CERS3: variants seen among roughly 807,000 people sequenced by gnomAD.
The protein encoded by CERS3 is ceramide synthase 3.
Under a neutral mutation model 50.3 loss-of-function variants are expected in CERS3, and 33 were observed. That is an observed-to-expected ratio of 0.66 (90% CI 0.50 to 0.88). The LOEUF is 0.88. CERS3 is among the 40% of genes least tolerant of loss of function. CERS3 has a pLI of 0.00. For synonymous variants in CERS3, 176 were observed against 155.2 expected (o/e 1.13, Z -0.99); for missense variants, 470 against 460.3 (o/e 1.02, Z -0.19).
In CERS3 at chr15:100,402,065, C is replaced by A. The variant is rs1419616460; in HGVS notation, c.*648G>T. 1.3e-5 allele frequency: 2 copies of A among 152,232 alleles called. No homozygotes were observed. Among genetic ancestry groups the A allele is most frequent in the Non-Finnish European group, 2.9e-5 (2 of 68,076 alleles). The allele number at this position is 152,232 out of a possible 1,614,324, so 9.4% of individuals were successfully genotyped here. A position where few individuals can be genotyped will look rare whatever the true frequency, so the allele number is the denominator to read the frequency against. On this transcript the variant is annotated 3_prime_UTR_variant, in exon 12 of 12. Transcript: ENST00000679737. ...AGGCCCATTGCAGTGCCATGTTTAGCCAGGTTTCTGTCTCCCAAACAGTGC... is the reference window on the plus strand; with the variant it reads ...AGGCCCATTGCAGTGCCATGTTTAGACAGGTTTCTGTCTCCCAAACAGTGC...
intron 5 of CERS3, 125 bp downstream of exon 5, chr15:100,484,425 C>A: frequency 1.5e-6 from 1 of 666,348 alleles, no homozygotes. Flanking sequence ...TAAAACACCA[C>A]ATCAGTGGGT....
chr15:100,509,271 A>C (rs116717084), intron 2 of CERS3, among the ~76,000 whole-genome samples: 2,435 of 152,350 alleles, frequency 0.016, 62 homozygotes, highest in African/African-American at 0.056. Context: ...CCACAAGTTT[A>C]TCACTATTTG....
At chr15:100,485,604 G>T (rs1056925405) in intron 4 of CERS3, among the ~76,000 whole-genome samples, 3 of 152,180 alleles carry the variant, frequency 2.0e-5, no homozygotes, top group African/African-American at 7.2e-5. Flanking sequence ...GGCTGGGTGT[G>T]GTGGTTCACG....
intron 11 of CERS3, among the ~76,000 whole-genome samples, chr15:100,452,174 A>C (rs2034197188): frequency 6.6e-6 from 1 of 152,218 alleles, no homozygotes; most frequent in Admixed American, 6.5e-5. Context: ...TAGAATACAC[A>C]TTCTTCTCAT....
At position 100,542,434 on chromosome 15, in the gene CERS3, C is replaced by T. The variant is rs550541625; in HGVS notation, c.-355+2217G>A. Among the ~76,000 whole-genome samples the T allele has an allele frequency of 9.9e-5, 15 of 152,264 alleles. No individual in the cohort carries two copies. In the South Asian group the frequency reaches 1.2e-3, roughly 13 times the overall value. ...GCTCATGGCTTCCATAATCGGCAAC[C>T]GCCACAGTGACCGTTCTCACATATT... On this transcript the variant is annotated intron_variant, in intron 1 of 12. Transcript: ENST00000284382.
chr15:100,424,829 G>T (rs985001755), intron 11 of CERS3, among the ~76,000 whole-genome samples: 1 of 152,194 alleles, frequency 6.6e-6, no homozygotes, highest in African/African-American at 2.4e-5. Context: ...CCACTTTCTG[G>T]GGAGGAATTC....
intron 11 of CERS3, among the ~76,000 whole-genome samples, chr15:100,427,519 C>T (rs999325657): frequency 3.3e-5 from 5 of 152,192 alleles, no homozygotes; most frequent in Non-Finnish European, 7.3e-5. Context: ...CATTAATCCT[C>T]TCAGGCCTTG....
At chr15:100,485,235 G>C (rs1304252476) in intron 4 of CERS3, among the ~76,000 whole-genome samples, 1 of 152,162 alleles carries the variant, frequency 6.6e-6, no homozygotes, top group Non-Finnish European at 1.5e-5. Context: ...TAATTATATA[G>C]AGAGCCTATT....
At chr15:100,436,134 AG>A (rs2033392321) in intron 11 of CERS3, among the ~76,000 whole-genome samples, 1 of 152,244 alleles carries the variant, frequency 6.6e-6, no homozygotes, top group Admixed American at 6.5e-5. Flanking sequence ...ATATACCCAA[AG>A]GATTATAAAT....
At chr15:100,417,775 T>C in intron 11 of CERS3, among the ~76,000 whole-genome samples, 1 of 151,826 alleles carries the variant, frequency 6.6e-6, no homozygotes, top group Admixed American at 6.5e-5. Flanking sequence ...CCCTGACCCC[T>C]GACCCCTGGG....
intron 11 of CERS3, among the ~76,000 whole-genome samples, chr15:100,408,997 T>G (rs997317561): frequency 3.3e-5 from 5 of 152,150 alleles, no homozygotes; most frequent in Non-Finnish European, 5.9e-5. Context: ...GACTCTAAGC[T>G]TACACACCTT....
intron 2 of CERS3, chr15:100,503,967 C>T (rs769013708): frequency 1.5e-5 from 5 of 322,786 alleles, no homozygotes; most frequent in Admixed American, 8.1e-5. Flanking sequence ...GAGTGAGGCC[C>T]GAGGGTAATG....
chr15:100,464,394 C>T (rs1238994498), intron 10 of CERS3, among the ~76,000 whole-genome samples: 2 of 152,214 alleles, frequency 1.3e-5, no homozygotes, highest in Non-Finnish European at 2.9e-5. Flanking sequence ...CTGTTCGTAA[C>T]ACCCAGCTGT....
chr15:100,437,350 C>T (rs2033465559), intron 11 of CERS3, among the ~76,000 whole-genome samples: 1 of 152,176 alleles, frequency 6.6e-6, no homozygotes, highest in African/African-American at 2.4e-5. Context: ...CTCTTACCTA[C>T]TAGCAGAATA....
intron 11 of CERS3, among the ~76,000 whole-genome samples, chr15:100,405,535 A>G (rs1428568190): frequency 6.6e-6 from 1 of 152,250 alleles, no homozygotes; most frequent in African/African-American, 2.4e-5. Flanking sequence ...GACATTTATA[A>G]GAAGTTTGAT....
rs373080717 is a variant in CERS3 at position 100,472,962 on chromosome 15, C to T, written c.700G>A (p.Val234Met). The stretch of plus-strand genomic sequence containing the variant: ...TCAGCCACATCGTGTACAATCATCA[C>T]GAGGGTCCCACTGCGAATATAATTA... ...CANYIRSGTLVMIVHDVADIW... is the reference protein window; with the variant it reads ...CANYIRSGTLMMIVHDVADIW... The change falls in exon 9 of 12, where the codon GTG becomes ATG. Residue 234 changes from valine to methionine, a missense_variant. By Grantham distance (21) the Val-to-Met change is conservative (BLOSUM62 1). Transcript: ENST00000679737. 3.0e-5 allele frequency: 48 copies of T among 1,613,848 alleles called. No homozygotes were observed. The highest frequency in any genetic ancestry group is 6.7e-5 in the African/African-American group (5 of 74,898).
intron 7 of CERS3, among the ~76,000 whole-genome samples, chr15:100,478,679 T>C (rs1567648401): frequency 6.6e-6 from 1 of 151,838 alleles, no homozygotes; most frequent in East Asian, 1.9e-4. Context: ...TGAAGGAAAA[T>C]AAACTGCTAA....
chr15:100,504,054 T>C (rs1596777013), intron 2 of CERS3, among the ~76,000 whole-genome samples: 2 of 151,876 alleles, frequency 1.3e-5, no homozygotes, highest in Non-Finnish European at 1.5e-5. Flanking sequence ...TGAGAAAGAA[T>C]TCCACAGTGT....
At chr15:100,541,543 G>T (rs183056695) in intron 1 of CERS3, among the ~76,000 whole-genome samples, 173 of 152,306 alleles carry the variant, frequency 1.1e-3, no homozygotes, top group Middle Eastern at 3.4e-3. Flanking sequence ...AAAGAAACTG[G>T]AATCTTTGTT....
Sources: gnomAD v4.1 joint callset for allele counts (sites outside exome capture counted in the v4.1 genomes callset) on GRCh38, gnomAD v4.1.1 for gene constraint, MANE v1.5 for transcripts, NCBI Gene and HGNC (gene_info 2026-07-23, HGNC 2026-07-21) for gene names.